SLC15A1: variants seen among roughly 807,000 people sequenced by gnomAD.
SLC15A1 encodes Caco-2 oligopeptide transporter.
Under a neutral mutation model 92.9 loss-of-function variants are expected in SLC15A1, and 83 were observed. The ratio of observed to expected loss-of-function variants is 0.89; its 90% CI spans 0.75 to 1.07. The LOEUF is 1.07. SLC15A1 is among the 50% of genes least tolerant of loss of function. The pLI is 0.00. For synonymous variants in SLC15A1, 322 were observed against 318.2 expected (o/e 1.01, Z -0.13); for missense variants, 857 against 880.1 (o/e 0.97, Z 0.33).
Position 98,721,603 on chromosome 13 carries a change from A to C in SLC15A1, c.466-18T>G, listed in dbSNP as rs1291143994. On this transcript the variant is annotated intron_variant, in intron 6 of 22. Coordinates refer to ENST00000376503, the MANE Select transcript of SLC15A1 (RefSeq NM_005073.4). ...TGTTTCTCCTGCAATGAAAAGGAGAAAGTAAGATGACTTTGGCTATCAATC... is the reference window on the plus strand; with the variant it reads ...TGTTTCTCCTGCAATGAAAAGGAGACAGTAAGATGACTTTGGCTATCAATC... The C allele has an allele frequency of 6.4e-7, 1 of 1,553,650 alleles. No individual in the cohort carries two copies. The highest frequency in any genetic ancestry group is 8.8e-7 in the Non-Finnish European group (1 of 1,135,664).
chr13:98,716,084 G>T, intron 8 of SLC15A1, 124 bp from the exon 9 acceptor site: 1 of 783,788 alleles, frequency 1.3e-6, no homozygotes, highest in Non-Finnish European at 2.2e-6. Flanking sequence ...TATGGAATGG[G>T]TTTACCTTCC....
At chr13:98,713,977 T>C (rs1204890365) in intron 9 of SLC15A1, among the ~76,000 whole-genome samples, 2 of 149,702 alleles carry the variant, frequency 1.3e-5, no homozygotes, top group Non-Finnish European at 3.0e-5. Context: ...TGCTTGAATC[T>C]GGGAGACGGA....
In SLC15A1 at chr13:98,709,674, G is replaced by A. The variant is rs8187841; in HGVS notation, c.979-14C>T. On this transcript the variant is annotated splice_polypyrimidine_tract_variant and intron_variant, in intron 13 of 22. Coordinates refer to ENST00000376503, the MANE Select transcript of SLC15A1 (RefSeq NM_005073.4). ...GGCGTTCACGGTCTGCAGAGGAAGT[G>A]GAGGAGAAATGTTAAGCTTGTCTCA... The A allele has an allele frequency of 6.2e-7, 1 of 1,614,128 alleles. No homozygotes were observed. The highest frequency in any genetic ancestry group is 8.5e-7 in the Non-Finnish European group (1 of 1,179,990).
chr13:98,739,359 G>A (rs1218177529), intron 1 of SLC15A1, among the ~76,000 whole-genome samples: 1 of 152,202 alleles, frequency 6.6e-6, no homozygotes, highest in African/African-American at 2.4e-5. Context: ...GGGGAGGCCA[G>A]GGGGAATGAT....
intron 17 of SLC15A1, among the ~76,000 whole-genome samples, chr13:98,702,982 A>G (rs1442298465): frequency 7.4e-4 from 111 of 150,568 alleles, no homozygotes; most frequent in Non-Finnish European, 1.4e-3. Flanking sequence ...AAAAAAAAAA[A>G]AAAAAAAAAA....
At chr13:98,735,241 A>G (rs1156797873) in intron 1 of SLC15A1, among the ~76,000 whole-genome samples, 2 of 152,236 alleles carry the variant, frequency 1.3e-5, no homozygotes, top group Non-Finnish European at 2.9e-5. Flanking sequence ...CAAAAACCAC[A>G]TGACTATCTC....
chr13:98,703,110 C>T (rs8000767), intron 17 of SLC15A1, among the ~76,000 whole-genome samples: 12,534 of 141,346 alleles, frequency 0.089, 740 homozygotes, highest in African/African-American at 0.16. Flanking sequence ...ATAGTGAGAT[C>T]CTGTTGAAAG....
At chr13:98,704,982 T>C (rs987406953) in intron 16 of SLC15A1, among the ~76,000 whole-genome samples, 2 of 152,168 alleles carry the variant, frequency 1.3e-5, no homozygotes, top group Admixed American at 1.3e-4. Context: ...GCCAATCTCT[T>C]GAGGACGGGA....
chr13:98,709,469 C>A, intron 14 of SLC15A1, 103 bp downstream of exon 14: 1 of 813,540 alleles, frequency 1.2e-6, no homozygotes, highest in Non-Finnish European at 2.1e-6. Context: ...AAAACCCTAT[C>A]CTCTAGGCGA....
intron 17 of SLC15A1, among the ~76,000 whole-genome samples, chr13:98,703,523 G>C (rs1355849057): frequency 7.8e-6 from 1 of 127,792 alleles, no homozygotes; most frequent in Non-Finnish European, 1.6e-5. Context: ...CTATACCTTT[G>C]TAGCTGCTGC....
rs1463657747 is a variant in SLC15A1, at chr13:98,684,183, T to A, written c.*541A>T. 6.5e-6 allele frequency: 1 copy of A among 154,424 alleles called. No homozygotes were observed. The highest frequency in any genetic ancestry group is 1.4e-5 in the Non-Finnish European group (1 of 69,438). 9.6% of individuals were successfully genotyped at this position (154,424 alleles called of 1,614,324 possible). A position where few individuals can be genotyped will look rare whatever the true frequency, so the allele number is the denominator to read the frequency against. ...AGTACTCTAAGACAGTGTGTGTACGTGTGGCTTAAATAAGCCTTTCAAACA... is the reference window on the plus strand; with the variant it reads ...AGTACTCTAAGACAGTGTGTGTACGAGTGGCTTAAATAAGCCTTTCAAACA... On this transcript the variant is annotated 3_prime_UTR_variant, in exon 23 of 23. Transcript: ENST00000376503.
At chr13:98,723,889 G>A (rs768135077) in intron 5 of SLC15A1, 23 bp downstream of exon 5, 5 of 1,613,826 alleles carry the variant, frequency 3.1e-6, no homozygotes, top group Admixed American at 1.7e-5. Flanking sequence ...GGGTGATGGG[G>A]GCAGCAGTGA....
chr13:98,710,825 A>AG (rs1397221625), intron 11 of SLC15A1, among the ~76,000 whole-genome samples: 22 of 151,636 alleles, frequency 1.5e-4, no homozygotes, highest in Non-Finnish European at 2.9e-4. Flanking sequence ...AAAAAAAAAA[A>AG]AAAAAAAGAA....
intron 1 of SLC15A1, among the ~76,000 whole-genome samples, chr13:98,738,667 T>G (rs1261515419): frequency 1.3e-5 from 2 of 152,216 alleles, no homozygotes; most frequent in Non-Finnish European, 2.9e-5. Context: ...AGTCTCTGCA[T>G]AGATTTCAGA....
At chr13:98,724,107 C>T in intron 4 of SLC15A1, 76 bp from the exon 5 acceptor site, 1 of 1,572,658 alleles carries the variant, frequency 6.4e-7, no homozygotes. Context: ...CACAAAAGAC[C>T]CCCTCCTTGA....
chr13:98,731,564 AC>A (rs148794455), intron 1 of SLC15A1, among the ~76,000 whole-genome samples: 2,193 of 152,006 alleles, frequency 0.014, 46 homozygotes, highest in African/African-American at 0.044. Context: ...AGCTCTGAAA[AC>A]CCAAATCACC....
rs184411264 is a variant in SLC15A1, at chr13:98,706,008, A to G, written c.1269+126T>C. The stretch of plus-strand genomic sequence containing the variant: ...TTAGAATATAGCCAACATGAGATCA[A>G]GATCCTTAGTTCACTTCTGGGCTGG... On this transcript the variant is annotated intron_variant, in intron 16 of 22. Transcript: ENST00000376503. 105 of 969,908 alleles carry G rather than the reference A, an allele frequency of 1.1e-4. No individual in the cohort carries two copies. The African/African-American group carries it at 1.2e-3, about 11-fold the overall frequency. 60.1% of individuals were successfully genotyped at this position (969,908 alleles called of 1,614,324 possible).
Position 98,707,891 on chromosome 13 carries a change from TAAAAAA to T in SLC15A1, c.1149+789_1149+794del, listed in dbSNP as rs745924829. ...CTAGGCGACAGAGTGAGACCCTGTT[TAAAAAA>T]AAAAAAAAAAAAAAAAAAAAAAAAG... is the stretch of plus-strand genomic sequence containing the variant. On this transcript the variant is annotated intron_variant, in intron 15 of 22. Transcript: ENST00000376503. Among the ~76,000 whole-genome samples the T allele has an allele frequency of 2.8e-3, 304 of 106,840 alleles. 3 individuals are homozygous for T. Among genetic ancestry groups the T allele is most frequent in the African/African-American group, 0.011 (284 of 25,330 alleles). 70.1% of individuals were successfully genotyped at this position (106,840 alleles called of 152,430 possible). A position where few individuals can be genotyped will look rare whatever the true frequency, so the allele number is the denominator to read the frequency against.
At chr13:98,721,679 G>A in intron 6 of SLC15A1, 94 bp from the exon 7 acceptor site, 4 of 1,281,234 alleles carry the variant, frequency 3.1e-6, no homozygotes, top group Non-Finnish European at 4.4e-6. Context: ...CTTAGTTTTG[G>A]TTGGTATCTT....
Sources: allele counts gnomAD v4.1 joint callset (sites outside exome capture counted in the v4.1 genomes callset), GRCh38; gene constraint gnomAD v4.1.1; transcripts MANE v1.5; gene names NCBI Gene and HGNC (gene_info 2026-07-23, HGNC 2026-07-21).